The following NEURL4 variants were observed in gnomAD, a reference collection of about 807,000 sequenced individuals.
The protein encoded by NEURL4 is neuralized-like protein 4.
In NEURL4, 45 loss-of-function variants were observed where a neutral mutation model predicts 148.0. The ratio of observed to expected loss-of-function variants is 0.30; its 90% CI spans 0.24 to 0.39. The LOEUF is 0.39. Among genes scored for constraint, NEURL4 ranks in the 10% least tolerant of loss-of-function variants. NEURL4 has a pLI of 1.00. For missense variants in NEURL4, 1,776 were observed against 2,144.0 expected (o/e 0.83, Z 3.39); for synonymous variants, 854 against 869.0 (o/e 0.98, Z 0.30).
chr17:7,322,679 C>T lies in NEURL4; in HGVS notation c.2725+56G>A. 1 of 1,590,358 alleles carries T rather than the reference C, an allele frequency of 6.3e-7. No homozygotes were observed. Among genetic ancestry groups the T allele is most frequent in the Non-Finnish European group, 8.5e-7 (1 of 1,170,324 alleles). On this transcript the variant is annotated intron_variant, in intron 16 of 28. Transcript: ENST00000399464. The surrounding 1 kb of genome is among the most constrained non-coding windows in gnomAD (Gnocchi z 5.5). ...ACCTCTCTAACCTGGAAACCCTACT[C>T]CTCAGGTGCACAGCAGGCAAGCAGA...
Position 7,329,178 on chromosome 17 carries a change from G to A in NEURL4, c.135C>T (p.His45=), listed in dbSNP as rs1252890646. 1 of 1,594,592 alleles carries A rather than the reference G, an allele frequency of 6.3e-7. No homozygotes were observed. Among genetic ancestry groups the A allele is most frequent in the African/African-American group, 1.3e-5 (1 of 74,736 alleles). The change falls in exon 1 of 29, where the codon CAC becomes CAT. Residue 45 remains histidine (H), a synonymous_variant. Transcript: ENST00000399464. The part of the protein sequence containing the change: ...NGGLGSGGEL[H]PRTGRLVSLS... ...GGCTCACCAAGCGCCCAGTGCGCGG[G>A]TGCAGTTCCCCGCCGCTGCCCAGAC...
chr17:7,324,786 C>T lies in NEURL4; in HGVS notation c.1813+13G>A. 1.9e-6 allele frequency: 3 copies of T among 1,613,922 alleles called. No individual in the cohort carries two copies. Among genetic ancestry groups the T allele is most frequent in the Non-Finnish European group, 2.5e-6 (3 of 1,179,820 alleles). On this transcript the variant is annotated intron_variant, in intron 9 of 28. Coordinates refer to ENST00000399464, the MANE Select transcript of NEURL4 (RefSeq NM_032442.3). The surrounding 1 kb of genome is among the most constrained non-coding windows in gnomAD (Gnocchi z 5.9). Reference sequence around the variant, plus strand: ...AAAACCCTATCCTGTCCCTGCCCTTCCTGGGAGCTCACCAGAGCGCAAGTT... The same window carrying T: ...AAAACCCTATCCTGTCCCTGCCCTTTCTGGGAGCTCACCAGAGCGCAAGTT...
At chr17:7,316,450 C>T (rs1294345959) in intron 28 of NEURL4, 123 bp from the exon 29 acceptor site, 1 of 725,050 alleles carries the variant, frequency 1.4e-6, no homozygotes, top group Admixed American at 2.6e-5. Context: ...ATGGGAACTT[C>T]GCTCTAGCTG....
At position 7,326,999 on chromosome 17, in the gene NEURL4, G is replaced by A. The variant is rs771404941; in HGVS notation, c.804C>T (p.Asn268=). Residue 268 remains asparagine, a synonymous_variant, in exon 4 of 29, where the codon AAC becomes AAT. Transcript: ENST00000399464. The surrounding 1 kb of genome is among the most constrained non-coding windows in gnomAD (Gnocchi z 6.0). ...TGCTCACCACCTCAGACAGCTCCAT[G>A]TTGGCAAAGTCTATAGCAGCAGGAT... ...NSLESHNDFA[N]MELSEVVSNT... is the part of the protein sequence containing the mutation. 1 of 1,610,960 alleles carries A rather than the reference G, an allele frequency of 6.2e-7. No homozygotes were observed. Among genetic ancestry groups the A allele is most frequent in the Non-Finnish European group, 8.5e-7 (1 of 1,179,990 alleles).
chr17:7,324,483 G>A lies in NEURL4; in HGVS notation c.1814-3C>T. 4 of 1,613,618 alleles carry A rather than the reference G, an allele frequency of 2.5e-6. No individual in the cohort carries two copies. The highest frequency in any genetic ancestry group is 3.4e-6 in the Non-Finnish European group (4 of 1,179,520). ...ATTCCCAGTCATCATCCAGGTCCCT[G>A]GGAGGACAAGGAGCAGGAGGGGACA... On this transcript the variant is annotated splice_region_variant and splice_polypyrimidine_tract_variant and intron_variant, in intron 9 of 28. Transcript: ENST00000399464. The surrounding 1 kb of genome is among the most constrained non-coding windows in gnomAD (Gnocchi z 5.9).
At position 7,323,539 on chromosome 17, in the gene NEURL4, T is replaced by A; in HGVS notation, c.2363A>T (p.Asp788Val). Residue 788 changes from aspartate (D) to valine (V), a missense_variant, in exon 14 of 29, where the codon GAC (aspartate) becomes GTC (valine). By Grantham distance (152) the Asp-to-Val change is radical (BLOSUM62 -3). Transcript: ENST00000399464. ...EAGVTAIRPE[D>V]LEFPNTMTDI... ...TGTCATGGTGTTGGGGAATTCCAGGTCTTCAGGCCGAATAGCAGTCACTCC... is the reference window on the plus strand; with the variant it reads ...TGTCATGGTGTTGGGGAATTCCAGGACTTCAGGCCGAATAGCAGTCACTCC... 1 of 1,614,138 alleles carries A rather than the reference T, an allele frequency of 6.2e-7. No homozygotes were observed.
chr17:7,317,171 C>T, intron 28 of NEURL4, 34 bp downstream of exon 28: 1 of 1,450,820 alleles, frequency 6.9e-7, no homozygotes, highest in Non-Finnish European at 9.1e-7. Context: ...ATCCGAGCCC[C>T]TGGAAATCTC....
At chr17:7,317,747 G>A (rs766173750) in intron 26 of NEURL4, 41 bp downstream of exon 26, 4 of 1,606,718 alleles carry the variant, frequency 2.5e-6, no homozygotes, top group Admixed American at 3.3e-5. Flanking sequence ...TTCTCCAGGG[G>A]GAAAACAGTA....
chr17:7,318,436 C>T lies in NEURL4; in HGVS notation c.3864+59G>A. On this transcript the variant is annotated intron_variant, in intron 23 of 28. Coordinates refer to ENST00000399464, the MANE Select transcript of NEURL4 (RefSeq NM_032442.3). The surrounding 1 kb of genome is among the most constrained non-coding windows in gnomAD (Gnocchi z 4.3). ...TCCCTCCCTGGAACAGAGATTTCCC[C>T]TGTCCTGGACAGCGCAGACTCTCAG... is the stretch of plus-strand genomic sequence containing the variant. 6.2e-7 allele frequency: 1 copy of T among 1,609,234 alleles called. No individual in the cohort carries two copies. The highest frequency in any genetic ancestry group is 1.7e-4 in the Middle Eastern group (1 of 6,034).
chr17:7,322,720 G>T lies in NEURL4; in HGVS notation c.2725+15C>A. ...GGCAAGCAGAGCCCGTCCAGCCCCCGCCCTGCTGCCGCACCTGGGGAGTGC... is the reference window on the plus strand; with the variant it reads ...GGCAAGCAGAGCCCGTCCAGCCCCCTCCCTGCTGCCGCACCTGGGGAGTGC... On this transcript the variant is annotated intron_variant, in intron 16 of 28. Coordinates refer to ENST00000399464, the MANE Select transcript of NEURL4 (RefSeq NM_032442.3). This position sits in a 1 kb window ranked among gnomAD's most constrained non-coding sequence, Gnocchi z 5.5. The T allele has an allele frequency of 6.2e-7, 1 of 1,607,964 alleles. No individual in the cohort carries two copies. Among genetic ancestry groups the T allele is most frequent in the South Asian group, 1.1e-5 (1 of 91,060 alleles).
At position 7,327,595 on chromosome 17, in the gene NEURL4, G is replaced by A. The variant is rs756985825; in HGVS notation, c.572C>T (p.Ala191Val). 1 of 1,612,014 alleles carries A rather than the reference G, an allele frequency of 6.2e-7. No homozygotes were observed. The highest frequency in any genetic ancestry group is 8.5e-7 in the Non-Finnish European group (1 of 1,179,862). ...AATGLPPRVWAVVDLYGKCTQ... is the reference protein window; with the variant it reads ...AATGLPPRVWVVVDLYGKCTQ... The stretch of plus-strand genomic sequence containing the variant: ...GCACTTGCCATAAAGGTCCACGACG[G>A]CCCAGACACGAGGGGGCAGGCCTGT... Residue 191 changes from alanine to valine, a missense_variant, in exon 2 of 29, where the codon GCC becomes GTC. Physicochemically the swap from Ala to Val is moderately conservative, Grantham distance 64. Transcript: ENST00000399464. The surrounding 1 kb of genome is among the most constrained non-coding windows in gnomAD (Gnocchi z 6.6).
In NEURL4 at chr17:7,324,226, G is replaced by C; in HGVS notation, c.1944C>G (p.Leu648=). The change falls in exon 11 of 29, where the codon CTC becomes CTG. Residue 648 remains leucine, a synonymous_variant. Transcript: ENST00000399464. This position sits in a 1 kb window ranked among gnomAD's most constrained non-coding sequence, Gnocchi z 5.9. ...GAGTCATCCCATTGACAAAGAAGTG[G>C]AGAGTCCCGTCCTCCCGCCGTACCA... ...VGVVRREDGT[L]HFFVNGMTQG... 6.2e-7 allele frequency: 1 copy of C among 1,613,746 alleles called. No individual in the cohort carries two copies. The highest frequency in any genetic ancestry group is 8.5e-7 in the Non-Finnish European group (1 of 1,179,986).
At chr17:7,319,296 C>T (rs1265107185) in intron 21 of NEURL4, 88 bp from the exon 22 acceptor site, 1 of 1,206,472 alleles carries the variant, frequency 8.3e-7, no homozygotes, top group East Asian at 2.5e-5. Context: ...ACTGCACCTC[C>T]CAGAATGTGG....
rs1284413394 is a variant in NEURL4, at chr17:7,322,904, G to A, written c.2594-38C>T. ...GGGAAGGTCAGAAGCCTGACAGCCA[G>A]GTGGTCTGGGCTGAGGGTGGCAGGC... On this transcript the variant is annotated intron_variant, in intron 15 of 28. Transcript: ENST00000399464. This position sits in a 1 kb window ranked among gnomAD's most constrained non-coding sequence, Gnocchi z 5.5. 2 of 1,610,794 alleles carry A rather than the reference G, an allele frequency of 1.2e-6. No individual in the cohort carries two copies. The highest frequency in any genetic ancestry group is 2.2e-5 in the East Asian group (1 of 44,784).
At position 7,322,708 on chromosome 17, in the gene NEURL4, C is replaced by T. The variant is rs191540500; in HGVS notation, c.2725+27G>A. ...AGGTGCACAGCAGGCAAGCAGAGCC[C>T]GTCCAGCCCCCGCCCTGCTGCCGCA... On this transcript the variant is annotated intron_variant, in intron 16 of 28. Transcript: ENST00000399464. This position sits in a 1 kb window ranked among gnomAD's most constrained non-coding sequence, Gnocchi z 5.5. 1.4e-4 allele frequency: 219 copies of T among 1,603,840 alleles called. 1 individual carries two copies. The East Asian group carries it at 4.2e-3, about 30-fold the overall frequency.
rs745746028 is a variant in NEURL4 at position 7,327,600 on chromosome 17, G to C, written c.567C>G (p.Val189=). ...GVAATGLPPR[V]WAVVDLYGKC... ...TGCCATAAAGGTCCACGACGGCCCA[G>C]ACACGAGGGGGCAGGCCTGTGGCAG... The change falls in exon 2 of 29, where the codon GTC becomes GTG. Residue 189 remains valine (V), a synonymous_variant. Transcript: ENST00000399464. This position sits in a 1 kb window ranked among gnomAD's most constrained non-coding sequence, Gnocchi z 6.6. 5.6e-6 allele frequency: 9 copies of C among 1,612,322 alleles called. No individual in the cohort carries two copies. In the South Asian group the frequency reaches 6.6e-5, roughly 12 times the overall value.
In NEURL4 at chr17:7,324,112, G is replaced by A. The variant is rs761463096; in HGVS notation, c.2058C>T (p.Asp686=). 4.3e-6 allele frequency: 7 copies of A among 1,612,462 alleles called. No homozygotes were observed. Among genetic ancestry groups the A allele is most frequent in the Admixed American group, 1.7e-5 (1 of 59,992 alleles). ...CCAGCCCAGCCCGGCCCTCACCCAC[G>A]TCGTCCACAATGGTGGCCTGGGCCG... ...GQAAQATIVD[D]VEVAPVPEPL... The change falls in exon 11 of 29, where the codon GAC becomes GAT. Residue 686 remains aspartate, a synonymous_variant. Coordinates refer to ENST00000399464, the MANE Select transcript of NEURL4 (RefSeq NM_032442.3). This position sits in a 1 kb window ranked among gnomAD's most constrained non-coding sequence, Gnocchi z 5.9.
At position 7,316,234 on chromosome 17, in the gene NEURL4, G is replaced by A. The variant is rs201061613; in HGVS notation, c.4578C>T (p.Ser1526=). ...RPGSYTPGPP[S]AALGEPPDPH... Reference sequence around the variant, plus strand: ...GGTCAGGAGGTTCTCCAAGGGCAGCGGAAGGGGGTCCCGGGGTGTAGGAGC... The same window carrying A: ...GGTCAGGAGGTTCTCCAAGGGCAGCAGAAGGGGGTCCCGGGGTGTAGGAGC... The change falls in exon 29 of 29, where the codon TCC becomes TCT. Residue 1526 remains serine, a synonymous_variant. Coordinates refer to ENST00000399464, the MANE Select transcript of NEURL4 (RefSeq NM_032442.3). The A allele has an allele frequency of 8.1e-6, 13 of 1,613,786 alleles. No individual in the cohort carries two copies. The highest frequency in any genetic ancestry group is 4.4e-5 in the South Asian group (4 of 91,078).
Position 7,316,006 on chromosome 17 carries a change from T to C in NEURL4, c.*117A>G. On this transcript the variant is annotated 3_prime_UTR_variant, in exon 29 of 29. Coordinates refer to ENST00000399464, the MANE Select transcript of NEURL4 (RefSeq NM_032442.3). ...GCCTGCCTACATGCTCCTGCGCGGCTGCCAAGCTCCAGCACCTGCGCATGC... is the reference window on the plus strand; with the variant it reads ...GCCTGCCTACATGCTCCTGCGCGGCCGCCAAGCTCCAGCACCTGCGCATGC... The C allele has an allele frequency of 4.2e-6, 3 of 708,044 alleles. No homozygotes were observed. The South Asian group carries it at 4.8e-5, about 11-fold the overall frequency. The allele number at this position is 708,044 out of a possible 1,614,324, so 43.9% of individuals were successfully genotyped here.
Sources: gnomAD v4.1 joint callset for allele counts on GRCh38, gnomAD v4.1.1 for gene constraint, Gnocchi (gnomAD v3.1) non-coding constraint, MANE v1.5 for transcripts, NCBI Gene and HGNC (gene_info 2026-07-23, HGNC 2026-07-21) for gene names.